CACNA2D3: variants seen among roughly 807,000 people sequenced by gnomAD.
CACNA2D3 encodes the protein voltage-dependent calcium channel subunit alpha-2/delta-3.
A neutral mutation model predicts 160.6 loss-of-function variants in CACNA2D3; 60 were observed. The ratio of observed to expected loss-of-function variants is 0.37; its 90% confidence interval spans 0.30 to 0.46. The LOEUF is 0.46. Ranked by LOEUF, CACNA2D3 falls within the 20% of genes least tolerant of loss-of-function variation. The pLI is 1.00. For synonymous variants in CACNA2D3, 558 were observed against 492.9 expected (o/e 1.13, Z -1.75); for missense variants, 1,205 against 1,365.0 (o/e 0.88, Z 1.85).
chr3:54,465,331 CAG>C (rs1464815699), intron 4 of CACNA2D3, among the ~76,000 whole-genome samples: 1 of 152,064 alleles, frequency 6.6e-6, no homozygotes, highest in Admixed American at 6.6e-5. Context: ...ATTTGAGGGA[CAG>C]AGAGCTAGCA....
At chr3:54,530,110 G>T (rs952678757) in intron 5 of CACNA2D3, among the ~76,000 whole-genome samples, 3 of 152,150 alleles carry the variant, frequency 2.0e-5, no homozygotes, top group South Asian at 2.1e-4. Context: ...TAGGCAAGTG[G>T]TCCCTCCTCC....
Position 54,468,793 on chromosome 3 carries a change from A to G in CACNA2D3, c.382-34699A>G, listed in dbSNP as rs1043175198. ...CTTGAGTAGGTGGTTTACCCCTCAC[A>G]GTGTAAACAAAGCTGCTGGGAAGTT... On this transcript the variant is annotated intron_variant, in intron 4 of 37. Transcript: ENST00000474759. Among the ~76,000 whole-genome samples, 4 of 152,266 alleles carry G rather than the reference A, an allele frequency of 2.6e-5. No individual in the cohort carries two copies. In the East Asian group the frequency reaches 5.8e-4, roughly 22 times the overall value.
intron 1 of CACNA2D3, 43 bp downstream of exon 1, chr3:54,122,878 G>A: frequency 8.3e-7 from 1 of 1,211,154 alleles, no homozygotes. Context: ...GGACCTTGCC[G>A]CCTGCGACCC....
At chr3:54,995,114 C>G (rs556762075) in intron 31 of CACNA2D3, among the ~76,000 whole-genome samples, 2 of 152,230 alleles carry the variant, frequency 1.3e-5, no homozygotes, top group Non-Finnish European at 2.9e-5. Context: ...GCTGGGATTA[C>G]AGGCGCCCGC....
At chr3:54,814,644 G>C (rs72874273) in intron 13 of CACNA2D3, among the ~76,000 whole-genome samples, 3 of 152,316 alleles carry the variant, frequency 2.0e-5, no homozygotes, top group Admixed American at 6.5e-5. Context: ...CTTTGTTCTC[G>C]TAAGTTATTT....
intron 13 of CACNA2D3, among the ~76,000 whole-genome samples, chr3:54,782,821 A>C (rs1002547055): frequency 6.6e-6 from 1 of 152,200 alleles, no homozygotes; most frequent in Non-Finnish European, 1.5e-5. Context: ...TGAGCTGTGC[A>C]AATTGATGAT....
chr3:54,805,905 A>G (rs1703109202), intron 13 of CACNA2D3, among the ~76,000 whole-genome samples: 1 of 152,172 alleles, frequency 6.6e-6, no homozygotes, highest in African/African-American at 2.4e-5. Context: ...AATATATGCA[A>G]ATCAATAAAT....
intron 13 of CACNA2D3, among the ~76,000 whole-genome samples, chr3:54,769,156 G>A (rs779241985): frequency 2.6e-5 from 4 of 152,098 alleles, no homozygotes; most frequent in Non-Finnish European, 4.4e-5. Context: ...TTCACATGGT[G>A]AACTCATCTG....
intron 11 of CACNA2D3, among the ~76,000 whole-genome samples, chr3:54,716,713 G>A (rs531924623): frequency 4.6e-5 from 7 of 152,110 alleles, no homozygotes; most frequent in Non-Finnish European, 8.8e-5. Context: ...AAGTAAAGGA[G>A]TTTTTGGGTT....
intron 2 of CACNA2D3, among the ~76,000 whole-genome samples, chr3:54,261,364 G>T (rs756832553): frequency 3.9e-5 from 6 of 152,074 alleles, no homozygotes; most frequent in Non-Finnish European, 7.4e-5. Context: ...TGTTACCATG[G>T]GGAGGAACTA....
chr3:54,379,475 C>T (rs1431388907), intron 3 of CACNA2D3, among the ~76,000 whole-genome samples: 1 of 152,188 alleles, frequency 6.6e-6, no homozygotes, highest in Non-Finnish European at 1.5e-5. Context: ...TCAGCTATGA[C>T]TCTAACTGCA....
chr3:54,647,473 A>T (rs1699673727), intron 11 of CACNA2D3, among the ~76,000 whole-genome samples: 1 of 152,160 alleles, frequency 6.6e-6, no homozygotes, highest in Non-Finnish European at 1.5e-5. Context: ...TGAAGCTAGG[A>T]GCTTGACTGT....
chr3:54,944,975 T>C, intron 27 of CACNA2D3, among the ~76,000 whole-genome samples: 1 of 152,256 alleles, frequency 6.6e-6, no homozygotes, highest in Non-Finnish European at 1.5e-5. Flanking sequence ...AGATTGAAAG[T>C]TTCTCCACAA....
chr3:54,400,285 A>C (rs1273139468), intron 4 of CACNA2D3, among the ~76,000 whole-genome samples: 1 of 151,824 alleles, frequency 6.6e-6, no homozygotes, highest in African/African-American at 2.4e-5. Context: ...TGGGAGCTGT[A>C]GACCGGAGCT....
intron 2 of CACNA2D3, among the ~76,000 whole-genome samples, chr3:54,246,241 A>G (rs1007553504): frequency 6.6e-6 from 1 of 152,146 alleles, no homozygotes; most frequent in Non-Finnish European, 1.5e-5. Context: ...TCCATGGCTT[A>G]TATTTTCTTC....
At chr3:54,794,230 C>T (rs1289899395) in intron 13 of CACNA2D3, among the ~76,000 whole-genome samples, 1 of 152,006 alleles carries the variant, frequency 6.6e-6, no homozygotes, top group Non-Finnish European at 1.5e-5. Context: ...ATAGCTACAC[C>T]TCTTAGTTGT....
intron 35 of CACNA2D3, among the ~76,000 whole-genome samples, chr3:55,038,434 G>A (rs1323306468): frequency 6.6e-6 from 1 of 152,076 alleles, no homozygotes; most frequent in East Asian, 1.9e-4. Context: ...ATATGAACAT[G>A]CATTCACAGG....
chr3:54,773,641 A>G (rs930552829), intron 13 of CACNA2D3, among the ~76,000 whole-genome samples: 17 of 152,224 alleles, frequency 1.1e-4, no homozygotes, highest in Admixed American at 2.0e-4. Flanking sequence ...TATAAATATT[A>G]CAGTACTTTA....
chr3:54,424,512 C>T (rs1699884924), intron 4 of CACNA2D3, among the ~76,000 whole-genome samples: 1 of 152,202 alleles, frequency 6.6e-6, no homozygotes, highest in Non-Finnish European at 1.5e-5. Context: ...TGGGCCTGAG[C>T]CTCTCTGAAG....
Sources: gnomAD v4.1 joint callset for allele counts (sites outside exome capture counted in the v4.1 genomes callset) on GRCh38, gnomAD v4.1.1 for gene constraint, MANE v1.5 for transcripts, NCBI Gene and HGNC (gene_info 2026-07-23, HGNC 2026-07-21) for gene names.